Variants in CREM observed in about 807,000 individuals in gnomAD.
The protein encoded by CREM is cAMP-responsive element modulator.
CREM carries 13 observed loss-of-function variants against 37.3 expected under a neutral mutation model. The observed-to-expected ratio is 0.35, with a 90% CI of 0.23 to 0.55. The LOEUF (loss-of-function observed/expected upper bound fraction) is 0.55. Ranked by LOEUF, CREM falls within the 20% of genes least tolerant of loss-of-function variation. The pLI is 0.88. For synonymous variants in CREM, 124 were observed against 120.2 expected, an observed-to-expected ratio of 1.03 and a Z score of -0.21; for missense variants, 296 against 362.3, an observed-to-expected ratio of 0.82 and a Z score of 1.49.
At position 35,137,878 on chromosome 10, in the gene CREM, A is replaced by G; in HGVS notation, c.43A>G (p.Arg15Gly). ...ARKKYIKTNP[R>G]QMTMETVESQ... ...GAAAAAATATATTAAGACAAATCCAAGGTAGGTAGATGTACGTTTTTCTGT... is the reference window on the plus strand; with the variant it reads ...GAAAAAATATATTAAGACAAATCCAGGGTAGGTAGATGTACGTTTTTCTGT... Residue 15 changes from arginine (R) to glycine (G), a missense_variant and splice_region_variant, in exon 2 of 8, where the codon AGA becomes GGA. Arg to Gly is a moderately radical substitution (Grantham distance 125, BLOSUM62 -2). This residue lies in a region of CREM where 257 missense variants were observed against 280.2 expected (regional missense o/e 0.92). Transcript: ENST00000685392. 6.3e-7 allele frequency: 1 copy of G among 1,585,970 alleles called. No homozygotes were observed. Among genetic ancestry groups the G allele is most frequent in the South Asian group, 1.2e-5 (1 of 86,152 alleles).
chr10:35,143,993 A>G (rs937840403), intron 2 of CREM, among the ~76,000 whole-genome samples: 8 of 152,190 alleles, frequency 5.3e-5, no homozygotes, highest in Non-Finnish European at 8.8e-5. Flanking sequence ...GAAATATGGA[A>G]GGAGCTTATA....
At chr10:35,190,500 A>G (rs762082541) in intron 6 of CREM, among the ~76,000 whole-genome samples, 1 of 152,116 alleles carries the variant, frequency 6.6e-6, no homozygotes, top group Non-Finnish European at 1.5e-5. Flanking sequence ...CCAGCGCCAT[A>G]CATGTTTGTT....
chr10:35,130,611 A>ATGCC (rs546688494), intron 1 of CREM, among the ~76,000 whole-genome samples: 55 of 152,320 alleles, frequency 3.6e-4, no homozygotes, highest in African/African-American at 1.3e-3. Context: ...AGCTGTCCTA[A>ATGCC]TGTCAGAGGG....
intron 2 of CREM, among the ~76,000 whole-genome samples, chr10:35,144,492 C>T (rs1215069260): frequency 6.6e-6 from 1 of 152,114 alleles, no homozygotes; most frequent in Non-Finnish European, 1.5e-5. Context: ...TGGGAGCCAT[C>T]TGCATATAGG....
Position 35,212,927 on chromosome 10 carries a change from C to G in CREM, c.*1529C>G, listed in dbSNP as rs369088316. The G allele has an allele frequency of 6.5e-6, 1 of 152,798 alleles. No homozygotes were observed. Among genetic ancestry groups the G allele is most frequent in the Non-Finnish European group, 1.5e-5 (1 of 68,024 alleles). 9.5% of individuals were successfully genotyped at this position (152,798 alleles called of 1,614,324 possible). Reference sequence around the variant, plus strand: ...TTCATCTTGTTTTTATAATAAAAAGCTTCAGGGAACAAGCCCAAAGCCCTC... The same window carrying G: ...TTCATCTTGTTTTTATAATAAAAAGGTTCAGGGAACAAGCCCAAAGCCCTC... On this transcript the variant is annotated 3_prime_UTR_variant, in exon 8 of 8. Transcript: ENST00000685392.
chr10:35,147,195 C>T (rs756920965), intron 2 of CREM, among the ~76,000 whole-genome samples: 4 of 151,524 alleles, frequency 2.6e-5, no homozygotes, highest in Non-Finnish European at 5.9e-5. Flanking sequence ...GGACTACAGG[C>T]GCCTACCACG....
chr10:35,130,518 T>C (rs1368005526), intron 1 of CREM, among the ~76,000 whole-genome samples: 1 of 152,220 alleles, frequency 6.6e-6, no homozygotes, highest in Non-Finnish European at 1.5e-5. Flanking sequence ...CACTGAATAA[T>C]GATGTTTTGT....
At chr10:35,187,169 ATT>A (rs1564922753) in intron 5 of CREM, among the ~76,000 whole-genome samples, 39 of 43,276 alleles carry the variant, frequency 9.0e-4, no homozygotes, top group African/African-American at 2.8e-3. Flanking sequence ...TATATTATAT[ATT>A]AATATTAATA....
intron 6 of CREM, among the ~76,000 whole-genome samples, chr10:35,194,097 C>CAAAAAA (rs371978117): frequency 0.011 from 268 of 25,012 alleles, 12 homozygotes; most frequent in African/African-American, 0.026. Context: ...GACTTCATCT[C>CAAAAAA]AAAAAAAAAA....
At chr10:35,186,854 GT>G (rs1459019243) in intron 5 of CREM, among the ~76,000 whole-genome samples, 50 of 103,504 alleles carry the variant, frequency 4.8e-4, no homozygotes, top group African/African-American at 1.9e-3. Flanking sequence ...ACGTATATAT[GT>G]TATATATAAT....
intron 6 of CREM, among the ~76,000 whole-genome samples, chr10:35,202,447 G>A (rs1160060941): frequency 1.3e-5 from 2 of 152,154 alleles, no homozygotes; most frequent in Non-Finnish European, 2.9e-5. Flanking sequence ...TAAGAGACAA[G>A]GTCTTGCTAT....
chr10:35,188,779 TC>T (rs1235793627), intron 6 of CREM, among the ~76,000 whole-genome samples: 2 of 152,018 alleles, frequency 1.3e-5, no homozygotes, highest in East Asian at 3.9e-4. Flanking sequence ...TGCCTCAGCT[TC>T]CCGGGGAGCT....
In CREM at chr10:35,203,416, G is replaced by A. The variant is rs752038859; in HGVS notation, c.599-3479G>A. On this transcript the variant is annotated intron_variant, in intron 6 of 7. Coordinates refer to ENST00000685392, the MANE Select transcript of CREM (RefSeq NM_183011.2). ...TTAAAAAAACAAGTTTTTTGTGGCC[G>A]GGCGCAGTGGCTCACGCCTGTGATC... Among the ~76,000 whole-genome samples, 67 of 152,114 alleles carry A rather than the reference G, an allele frequency of 4.4e-4. 1 individual carries two copies. The highest frequency in any genetic ancestry group is 2.2e-4 in the Non-Finnish European group (15 of 68,030).
intron 1 of CREM, 103 bp from the exon 2 acceptor site, chr10:35,137,679 C>T (rs1327817362): frequency 2.7e-5 from 12 of 443,850 alleles, no homozygotes; most frequent in South Asian, 7.8e-5. Context: ...AATATTCTTC[C>T]TGGCCTTGTT....
At chr10:35,201,206 C>T in intron 6 of CREM, among the ~76,000 whole-genome samples, 1 of 152,078 alleles carries the variant, frequency 6.6e-6, no homozygotes, top group African/African-American at 2.4e-5. Context: ...AATTTGGATT[C>T]CCTGGGTTTG....
At chr10:35,156,807 T>C (rs1411478517) in intron 3 of CREM, among the ~76,000 whole-genome samples, 9 of 152,180 alleles carry the variant, frequency 5.9e-5, no homozygotes, top group Non-Finnish European at 4.4e-5. Flanking sequence ...GTAGAGACAA[T>C]GTTAGATGAA....
At chr10:35,171,785 T>C (rs1307445663) in intron 3 of CREM, among the ~76,000 whole-genome samples, 1 of 152,216 alleles carries the variant, frequency 6.6e-6, no homozygotes, top group Non-Finnish European at 1.5e-5. Flanking sequence ...GAGTAAAACA[T>C]TGAGAGCCAC....
chr10:35,201,564 A>T, intron 6 of CREM: 1 of 1,539,276 alleles, frequency 6.5e-7, no homozygotes, highest in South Asian at 1.2e-5. Context: ...AAGCTTGCAA[A>T]GAGAGATATG....
intron 6 of CREM, 49 bp from the exon 7 acceptor site, chr10:35,206,846 C>T (rs2095536900): frequency 6.3e-7 from 1 of 1,589,920 alleles, no homozygotes; most frequent in Admixed American, 1.7e-5. Context: ...TGTAAAATGC[C>T]AAATTATGAA....
Sources: gnomAD v4.1 joint callset for allele counts (sites outside exome capture counted in the v4.1 genomes callset) on GRCh38, gnomAD v4.1.1 for gene constraint, gnomAD v4.1.1 regional missense constraint, MANE v1.5 for transcripts, NCBI Gene and HGNC (gene_info 2026-07-23, HGNC 2026-07-21) for gene names.